NCS1: variants seen among roughly 807,000 people sequenced by gnomAD.
The protein encoded by NCS1 is neuronal calcium sensor 1.
In NCS1, 6 loss-of-function variants were observed where a neutral mutation model predicts 28.4. The observed-to-expected ratio is 0.21, with a 90% confidence interval of 0.12 to 0.42. The LOEUF (loss-of-function observed/expected upper bound fraction) is 0.42, where lower values mean the gene tolerates loss of function less well. NCS1 is among the 10% of genes least tolerant of loss of function. The pLI is 1.00. For missense variants in NCS1, 131 were observed against 241.4 expected (o/e 0.54, Z 3.03); for synonymous variants, 86 against 99.3 (o/e 0.87, Z 0.79).
At chr9:130,176,138 T>TTTTCTTTCCTTCTTTCTTTCTTTC (rs1832561011) in intron 1 of NCS1, among the ~76,000 whole-genome samples, 1 of 102,218 alleles carries the variant, frequency 9.8e-6, no homozygotes, top group Non-Finnish European at 1.9e-5. Flanking sequence ...TATTTGTTCA[T>TTTTCTTTCCTTCTTTCTTTCTTTC]TTTCTTTCTT....
rs1329280711 is a variant in NCS1 at position 130,236,152 on chromosome 9, G to GT, written c.*3186dup. On this transcript the variant is annotated 3_prime_UTR_variant, in exon 8 of 8. Transcript: ENST00000372398. ...GCACCTGGGGTTTCAGGAACTTTGT[G>GT]TTTTTTCGGAGGGGGTTGGTGGGGA... 2 of 152,196 alleles carry GT rather than the reference G, an allele frequency of 1.3e-5. No individual in the cohort carries two copies. Among genetic ancestry groups the GT allele is most frequent in the African/African-American group, 4.8e-5 (2 of 41,438 alleles). 9.4% of individuals were successfully genotyped at this position (152,196 alleles called of 1,614,324 possible).
rs1386117663 is a variant in NCS1 at position 130,181,951 on chromosome 9, G to T, written c.64+9224G>T. Reference sequence around the variant, plus strand: ...GGGGTGGGGGACGCTGGGGAGGGAGGCACAGACAGGCCGGGAGCCGCGCCA... The same window carrying T: ...GGGGTGGGGGACGCTGGGGAGGGAGTCACAGACAGGCCGGGAGCCGCGCCA... On this transcript the variant is annotated intron_variant, in intron 1 of 7. Coordinates refer to ENST00000372398, the MANE Select transcript of NCS1 (RefSeq NM_014286.4). This position sits in a 1 kb window ranked among gnomAD's most constrained non-coding sequence, Gnocchi z 5.0. Among the ~76,000 whole-genome samples the T allele has an allele frequency of 6.6e-6, 1 of 152,014 alleles. No homozygotes were observed.
chr9:130,213,526 G>T (rs35195179), intron 2 of NCS1, among the ~76,000 whole-genome samples: 1 of 151,796 alleles, frequency 6.6e-6, no homozygotes, highest in East Asian at 1.9e-4. Flanking sequence ...TGATCCGCCC[G>T]TCTCAGCCTC....
chr9:130,181,762 C>T lies in NCS1; in HGVS notation c.64+9035C>T, dbSNP rs1832661301. ...GTGGGTGTTGCAGGCAGGGCGGGTG[C>T]TGCGGGGCACGTGGGCAAGTCCCGA... is the stretch of plus-strand genomic sequence containing the variant. On this transcript the variant is annotated intron_variant, in intron 1 of 7. Coordinates refer to ENST00000372398, the MANE Select transcript of NCS1 (RefSeq NM_014286.4). The surrounding 1 kb of genome is among the most constrained non-coding windows in gnomAD (Gnocchi z 5.0). 6.6e-6 allele frequency among the ~76,000 whole-genome samples: 1 copy of T among 152,108 alleles called. No homozygotes were observed. The highest frequency in any genetic ancestry group is 1.5e-5 in the Non-Finnish European group (1 of 68,014).
At chr9:130,174,202 C>T (rs1832530605) in intron 1 of NCS1, among the ~76,000 whole-genome samples, 1 of 152,170 alleles carries the variant, frequency 6.6e-6, no homozygotes. Flanking sequence ...GGTCCCTGTG[C>T]CGGGGGAGGG....
intron 7 of NCS1, among the ~76,000 whole-genome samples, chr9:130,231,753 A>T (rs1554912154): frequency 6.6e-6 from 1 of 151,684 alleles, no homozygotes; most frequent in Non-Finnish European, 1.5e-5. Context: ...GGTTAACTCT[A>T]TGTTTAACTT....
intron 4 of NCS1, 107 bp from the exon 5 acceptor site, chr9:130,222,543 C>T (rs1833346499): frequency 2.4e-6 from 2 of 841,574 alleles, no homozygotes; most frequent in Non-Finnish European, 4.1e-6. Context: ...GAGGAATGGG[C>T]CATCCGGTCG....
chr9:130,209,766 C>A lies in NCS1; in HGVS notation c.90-8066C>A, dbSNP rs115693714. Among the ~76,000 whole-genome samples, 2 of 152,130 alleles carry A rather than the reference C, an allele frequency of 1.3e-5. No homozygotes were observed. Among genetic ancestry groups the A allele is most frequent in the Non-Finnish European group, 2.9e-5 (2 of 68,030 alleles). ...CTGCCCTTTTAAAGAAGTGTAAGAA[C>A]GCCGTTGTTGAATCTAGGATTTTCT... On this transcript the variant is annotated intron_variant, in intron 2 of 7. Transcript: ENST00000372398. The surrounding 1 kb of genome is among the most constrained non-coding windows in gnomAD (Gnocchi z 4.4).
At chr9:130,172,761 G>T (rs367875944) in intron 1 of NCS1, 34 bp downstream of exon 1, 6 of 1,280,966 alleles carry the variant, frequency 4.7e-6, no homozygotes, top group Non-Finnish European at 6.2e-6. Flanking sequence ...CGCGCCCCGC[G>T]GTCACCCCCA....
chr9:130,226,272 G>A lies in NCS1; in HGVS notation c.475-117G>A, dbSNP rs1437418159. The stretch of plus-strand genomic sequence containing the variant: ...TGGCTGCTTGTAGGCCCTGAGCCAC[G>A]TTGCCTCCCTCCTGATCTAACCTTG... On this transcript the variant is annotated intron_variant, in intron 6 of 7. Coordinates refer to ENST00000372398, the MANE Select transcript of NCS1 (RefSeq NM_014286.4). The surrounding 1 kb of genome is among the most constrained non-coding windows in gnomAD (Gnocchi z 4.8). The A allele has an allele frequency of 2.4e-6, 2 of 830,992 alleles. No individual in the cohort carries two copies. The highest frequency in any genetic ancestry group is 2.0e-6 in the Non-Finnish European group (1 of 500,942). 51.5% of individuals were successfully genotyped at this position (830,992 alleles called of 1,614,324 possible). A position where few individuals can be genotyped will look rare whatever the true frequency, so the allele number is the denominator to read the frequency against.
At chr9:130,201,558 G>A (rs984094528) in intron 2 of NCS1, among the ~76,000 whole-genome samples, 23 of 152,270 alleles carry the variant, frequency 1.5e-4, no homozygotes, top group Admixed American at 1.5e-3. Context: ...TGGGGGAGGA[G>A]GGCGGTGTAT....
intron 1 of NCS1, chr9:130,200,391 C>T: frequency 1.6e-6 from 1 of 609,412 alleles, no homozygotes. Context: ...GCTTTTGCTT[C>T]ACGGCTCTGT....
chr9:130,219,728 G>C lies in NCS1; in HGVS notation c.232G>C (p.Gly78Arg). 6.2e-7 allele frequency: 1 copy of C among 1,614,166 alleles called. No individual in the cohort carries two copies. Among genetic ancestry groups the C allele is most frequent in the Non-Finnish European group, 8.5e-7 (1 of 1,180,014 alleles). The part of the protein sequence containing the change: ...VFNVFDENKD[G>R]RIEFSEFIQA... ...AATCCCCTCTCTCTCCTGTCAGGAC[G>C]GGCGAATTGAGTTCTCCGAGTTCAT... is the stretch of plus-strand genomic sequence containing the variant. Residue 78 changes from glycine (G) to arginine (R), a missense_variant, in exon 4 of 8, where the codon GGG becomes CGG. Gly to Arg is a moderately radical substitution (Grantham distance 125). This residue lies in a region of NCS1 where 100 missense variants were observed against 210.3 expected (regional missense o/e 0.48). Transcript: ENST00000372398. This position sits in a 1 kb window ranked among gnomAD's most constrained non-coding sequence, Gnocchi z 5.7.
In NCS1 at chr9:130,229,987, G is replaced by A. The variant is rs191764247; in HGVS notation, c.*18-3003G>A. On this transcript the variant is annotated intron_variant, in intron 7 of 7. Transcript: ENST00000372398. ...GCATAATGCTCCATCACATGGCTGG[G>A]CCATAATTTAACCAGTTCCACAGTG... Among the ~76,000 whole-genome samples the A allele has an allele frequency of 6.6e-5, 10 of 152,270 alleles. No homozygotes were observed. In the East Asian group the frequency reaches 1.9e-3, roughly 29 times the overall value.
At chr9:130,212,331 A>G (rs1396536288) in intron 2 of NCS1, among the ~76,000 whole-genome samples, 2 of 151,950 alleles carry the variant, frequency 1.3e-5, no homozygotes, top group Admixed American at 6.6e-5. Flanking sequence ...ATATTTGGCA[A>G]TGTCTGGAGA....
At chr9:130,212,444 C>A (rs782299552) in intron 2 of NCS1, among the ~76,000 whole-genome samples, 9 of 150,270 alleles carry the variant, frequency 6.0e-5, no homozygotes, top group African/African-American at 2.2e-4. Context: ...CAGGCCTGCA[C>A]GACAGCGACC....
In NCS1 at chr9:130,191,714, C is replaced by A. The variant is rs1025173761; in HGVS notation, c.65-9244C>A. Among the ~76,000 whole-genome samples, 4 of 152,216 alleles carry A rather than the reference C, an allele frequency of 2.6e-5. No homozygotes were observed. The highest frequency in any genetic ancestry group is 2.9e-5 in the Non-Finnish European group (2 of 68,046). ...GCAGACCGCAGTCAGCACCCGATGG[C>A]GACAGTGGCCGTCACAGCTGCTCAC... On this transcript the variant is annotated intron_variant, in intron 1 of 7. Coordinates refer to ENST00000372398, the MANE Select transcript of NCS1 (RefSeq NM_014286.4). The surrounding 1 kb of genome is among the most constrained non-coding windows in gnomAD (Gnocchi z 6.4).
At chr9:130,201,100 G>A in intron 2 of NCS1, 118 bp downstream of exon 2, 1 of 1,340,738 alleles carries the variant, frequency 7.5e-7, no homozygotes. Flanking sequence ...AGGGGCCCCT[G>A]AGCGTGGGGT....
chr9:130,180,326 G>A lies in NCS1; in HGVS notation c.64+7599G>A, dbSNP rs116130431. Among the ~76,000 whole-genome samples the A allele has an allele frequency of 2.7e-3, 413 of 152,178 alleles. 4 individuals carry two copies. The highest frequency in any genetic ancestry group is 9.4e-3 in the African/African-American group (390 of 41,518). ...TGGGATTACAGGCGTGAGCCACCAC[G>A]CCTGGCCTAGGGATGTCTTGACTTC... On this transcript the variant is annotated intron_variant, in intron 1 of 7. Transcript: ENST00000372398. The surrounding 1 kb of genome is among the most constrained non-coding windows in gnomAD (Gnocchi z 4.5).
Sources: gnomAD v4.1 joint callset for allele counts (sites outside exome capture counted in the v4.1 genomes callset) on GRCh38, gnomAD v4.1.1 for gene constraint, gnomAD v4.1.1 regional missense constraint, Gnocchi (gnomAD v3.1) non-coding constraint, MANE v1.5 for transcripts, NCBI Gene and HGNC (gene_info 2026-07-23, HGNC 2026-07-21) for gene names.